Variants in MGAT4A observed in about 807,000 individuals in gnomAD.
MGAT4A encodes alpha-1,3-mannosyl-glycoprotein 4-beta-N-acetylglucosaminyltransferase A.
Under a neutral mutation model 74.1 loss-of-function variants are expected in MGAT4A, and 33 were observed. That is an observed-to-expected ratio of 0.45 (90% confidence interval 0.34 to 0.60). The LOEUF (loss-of-function observed/expected upper bound fraction) is 0.60. MGAT4A is among the 20% of genes least tolerant of loss of function. MGAT4A has a pLI of 0.02. For missense variants in MGAT4A, 479 were observed against 628.3 expected (o/e 0.76, Z 2.54); for synonymous variants, 198 against 210.4 (o/e 0.94, Z 0.51).
chr2:98,630,022 G>C (rs973474999), intron 14 of MGAT4A, among the ~76,000 whole-genome samples: 2 of 152,216 alleles, frequency 1.3e-5, no homozygotes, highest in South Asian at 2.1e-4. Flanking sequence ...CTCTACCCTG[G>C]GCGACAGAGC....
chr2:98,675,246 G>A, intron 3 of MGAT4A, 71 bp from the exon 4 acceptor site: 1 of 1,153,526 alleles, frequency 8.7e-7, no homozygotes, highest in Non-Finnish European at 1.2e-6. Context: ...AAAACCAGCA[G>A]TAAAAATTAA....
intron 2 of MGAT4A, among the ~76,000 whole-genome samples, chr2:98,710,780 A>G (rs1462624052): frequency 1.3e-5 from 2 of 152,220 alleles, no homozygotes; most frequent in African/African-American, 2.4e-5. Context: ...CTGAATTTGA[A>G]TAAGTAGAAG....
intron 2 of MGAT4A, among the ~76,000 whole-genome samples, chr2:98,717,074 C>T (rs181452633): frequency 2.0e-5 from 3 of 152,012 alleles, no homozygotes; most frequent in Non-Finnish European, 4.4e-5. Context: ...ACAAAAATGT[C>T]GAGGACATAA....
chr2:98,678,363 T>C lies in MGAT4A; in HGVS notation c.203A>G (p.Gln68Arg). 6.4e-7 allele frequency: 1 copy of C among 1,571,434 alleles called. No individual in the cohort carries two copies. The highest frequency in any genetic ancestry group is 8.7e-7 in the Non-Finnish European group (1 of 1,152,400). Reference protein sequence around the residue: ...RSSELNTIVQQFKRVGAETNG... With the variant: ...RSSELNTIVQRFKRVGAETNG... ...TGTTTCTGCTCCTACACGCTTGAAC[T>C]GTTGCACAATCGTATTTAATTCAGA... Residue 68 changes from glutamine (Q) to arginine (R), a missense_variant, in exon 3 of 16, where the codon CAG becomes CGG. Around this residue, in one of 3 missense-constraint regions of MGAT4A, gnomAD observed 205 missense variants for 232.7 expected, o/e 0.88. Transcript: ENST00000393487.
chr2:98,695,180 T>G (rs1333251108), intron 2 of MGAT4A: 1 of 152,174 alleles, frequency 6.6e-6, no homozygotes, highest in Non-Finnish European at 1.5e-5. Flanking sequence ...GGACTACATG[T>G]GCTCACCATC....
intron 2 of MGAT4A, among the ~76,000 whole-genome samples, chr2:98,698,557 C>T (rs1248634278): frequency 6.6e-6 from 1 of 152,168 alleles, no homozygotes; most frequent in Non-Finnish European, 1.5e-5. Flanking sequence ...ACCAGGAACA[C>T]GAAACTGTTA....
intron 2 of MGAT4A, among the ~76,000 whole-genome samples, chr2:98,721,241 A>AT (rs1702665961): frequency 6.6e-6 from 1 of 152,198 alleles, no homozygotes; most frequent in African/African-American, 2.4e-5. Context: ...ATAAACAAAA[A>AT]CTGAGGGAAT....
At chr2:98,730,302 A>T (rs1020811490) in intron 1 of MGAT4A, 2 of 152,208 alleles carry the variant, frequency 1.3e-5, no homozygotes, top group African/African-American at 4.8e-5. Context: ...CTCGACTGCC[A>T]GCTCAGAAAA....
intron 13 of MGAT4A, 37 bp downstream of exon 13, chr2:98,636,480 G>A: frequency 6.7e-7 from 1 of 1,483,844 alleles, no homozygotes. Flanking sequence ...ACTAGTATTA[G>A]TTGTTAGGGA....
chr2:98,619,526 A>G lies in MGAT4A; in HGVS notation c.*6040T>C, dbSNP rs1701013496. 6.6e-6 allele frequency: 1 copy of G among 152,350 alleles called. No individual in the cohort carries two copies. The highest frequency in any genetic ancestry group is 2.4e-5 in the African/African-American group (1 of 41,594). 9.4% of individuals were successfully genotyped at this position (152,350 alleles called of 1,614,324 possible). A position where few individuals can be genotyped will look rare whatever the true frequency, so the allele number is the denominator to read the frequency against. ...AGTTTTTCCATTCCATAAATGAAACACAATTGTTACACTTTGCTGATTTCT... is the reference window on the plus strand; with the variant it reads ...AGTTTTTCCATTCCATAAATGAAACGCAATTGTTACACTTTGCTGATTTCT... On this transcript the variant is annotated 3_prime_UTR_variant, in exon 16 of 16. Coordinates refer to ENST00000393487, the MANE Select transcript of MGAT4A (RefSeq NM_012214.3).
chr2:98,712,897 C>T (rs1173600591), intron 2 of MGAT4A, among the ~76,000 whole-genome samples: 2 of 152,222 alleles, frequency 1.3e-5, no homozygotes, highest in African/African-American at 4.8e-5. Context: ...CACAGTGGCT[C>T]ATGCCTGTAA....
chr2:98,629,976 G>T (rs1460430456), intron 14 of MGAT4A, among the ~76,000 whole-genome samples: 2 of 152,206 alleles, frequency 1.3e-5, no homozygotes, highest in Non-Finnish European at 2.9e-5. Flanking sequence ...AACCCAGGAG[G>T]CGGAGGATGC....
Position 98,664,779 on chromosome 2 carries a change from TGACA to T in MGAT4A, c.404-1604_404-1601del, listed in dbSNP as rs371640914. 1.2e-3 allele frequency among the ~76,000 whole-genome samples: 185 copies of T among 152,362 alleles called. 1 individual carries two copies. The highest frequency in any genetic ancestry group is 4.1e-3 in the African/African-American group (172 of 41,574). ...TTCTTATCCTTTTTTATAGTGTAACTGACAAAGTGTTTGAGTGTTGTGATCCTAA... is the reference window on the plus strand; with the variant it reads ...TTCTTATCCTTTTTTATAGTGTAACTAAGTGTTTGAGTGTTGTGATCCTAA... On this transcript the variant is annotated intron_variant, in intron 4 of 15. Coordinates refer to ENST00000393487, the MANE Select transcript of MGAT4A (RefSeq NM_012214.3).
chr2:98,658,930 A>G (rs1198876940), intron 5 of MGAT4A, among the ~76,000 whole-genome samples: 1 of 152,212 alleles, frequency 6.6e-6, no homozygotes, highest in East Asian at 1.9e-4. Flanking sequence ...GATTTAATGA[A>G]TCACATATTC....
chr2:98,722,887 T>C (rs925211422), intron 2 of MGAT4A, among the ~76,000 whole-genome samples: 6 of 152,060 alleles, frequency 3.9e-5, no homozygotes, highest in East Asian at 1.9e-4. Context: ...AGGGTCTAGA[T>C]TGCGCCTGAC....
intron 2 of MGAT4A, among the ~76,000 whole-genome samples, chr2:98,708,087 G>A (rs955960775): frequency 6.6e-6 from 1 of 151,962 alleles, no homozygotes; most frequent in Non-Finnish European, 1.5e-5. Context: ...TTAAGCCTAC[G>A]ACATCCTCCC....
Position 98,656,601 on chromosome 2 carries a change from T to C in MGAT4A, c.585-136A>G, listed in dbSNP as rs146033585. On this transcript the variant is annotated intron_variant, in intron 6 of 15. Coordinates refer to ENST00000393487, the MANE Select transcript of MGAT4A (RefSeq NM_012214.3). ...GTATAATGTTATGGCCGCAAGGTGTTAAAAGGAGCAGCTCATCACTGATTT... is the reference window on the plus strand; with the variant it reads ...GTATAATGTTATGGCCGCAAGGTGTCAAAAGGAGCAGCTCATCACTGATTT... 9.0e-4 allele frequency: 509 copies of C among 565,226 alleles called. 4 individuals are homozygous for C. The East Asian group carries it at 0.015, about 16-fold the overall frequency. The allele number at this position is 565,226 out of a possible 1,614,324, so 35.0% of individuals were successfully genotyped here.
intron 2 of MGAT4A, among the ~76,000 whole-genome samples, chr2:98,713,466 C>A (rs11123748): frequency 0.012 from 1,664 of 139,268 alleles, 28 homozygotes; most frequent in African/African-American, 0.035. Context: ...AAAAAAAAAA[C>A]AAACAAACCC....
intron 8 of MGAT4A, among the ~76,000 whole-genome samples, chr2:98,649,669 G>A (rs1701549885): frequency 6.6e-6 from 1 of 152,076 alleles, no homozygotes. Context: ...GTGCTGCAGA[G>A]CTCCTGACTA....
Sources: gnomAD v4.1 joint callset for allele counts (sites outside exome capture counted in the v4.1 genomes callset) on GRCh38, gnomAD v4.1.1 for gene constraint, gnomAD v4.1.1 regional missense constraint, MANE v1.5 for transcripts, NCBI Gene and HGNC (gene_info 2026-07-23, HGNC 2026-07-21) for gene names.